Variants in RNF17 observed in about 807,000 individuals in gnomAD.
The protein encoded by RNF17 is ring finger protein 17, also known as spermatogenesis associated 23.
In RNF17, 31 loss-of-function variants were observed where a neutral mutation model predicts 200.5. The ratio of observed to expected loss-of-function variants is 0.15; its 90% CI spans 0.12 to 0.21. The LOEUF (loss-of-function observed/expected upper bound fraction) is 0.21, where lower values mean the gene tolerates loss of function less well. Among genes scored for constraint, RNF17 ranks in the 10% least tolerant of loss-of-function variants. The pLI is 1.00. For synonymous variants in RNF17, 606 were observed against 637.8 expected, an observed-to-expected ratio of 0.95 and a Z score of 0.75; for missense variants, 1,628 against 1,905.1, an observed-to-expected ratio of 0.85 and a Z score of 2.71.
At chr13:24,838,058 A>G (rs1890200860) in intron 18 of RNF17, among the ~76,000 whole-genome samples, 1 of 152,198 alleles carries the variant, frequency 6.6e-6, no homozygotes, top group South Asian at 2.1e-4. Context: ...GGCTGCTATG[A>G]ACACTTCTAT....
the RNF17 span, among the ~76,000 whole-genome samples, chr13:24,887,834 G>T: frequency 2.0e-5 from 3 of 152,170 alleles, no homozygotes; most frequent in Non-Finnish European, 4.4e-5. Flanking sequence ...GTGAGCACAT[G>T]CTGTTGGAAA....
chr13:24,872,806 G>A (rs539111088), intron 32 of RNF17, among the ~76,000 whole-genome samples: 63 of 139,186 alleles, frequency 4.5e-4, no homozygotes, highest in Non-Finnish European at 9.2e-4. Flanking sequence ...CCTAAAAACT[G>A]TCAGAATGTG....
At chr13:24,752,047 G>A in the RNF17 span, 13 of 152,370 alleles carry the variant, frequency 8.5e-5, no homozygotes, top group African/African-American at 3.1e-4. Context: ...GCAAGTAAAA[G>A]TGGTGTGTTT....
intron 16 of RNF17, among the ~76,000 whole-genome samples, chr13:24,827,617 G>A (rs1888831042): frequency 6.9e-6 from 1 of 144,548 alleles, no homozygotes; most frequent in Non-Finnish European, 1.5e-5. Context: ...CAGGAGAATG[G>A]CGTGAACCCG....
chr13:24,826,837 G>A (rs1462968341), intron 16 of RNF17, among the ~76,000 whole-genome samples: 1 of 151,812 alleles, frequency 6.6e-6, no homozygotes, highest in Non-Finnish European at 1.5e-5. Flanking sequence ...AAGGCAGGCA[G>A]ATCACCTGAG....
chr13:24,883,567 TAATC>T (rs1953927803), downstream of RNF17, among the ~76,000 whole-genome samples: 2 of 152,220 alleles, frequency 1.3e-5, no homozygotes, highest in Admixed American at 1.3e-4. Flanking sequence ...AGCATTGTTT[TAATC>T]ATTCATATTT....
chr13:24,821,698 T>C (rs1004723245), intron 15 of RNF17, among the ~76,000 whole-genome samples: 1 of 152,224 alleles, frequency 6.6e-6, no homozygotes, highest in African/African-American at 2.4e-5. Flanking sequence ...TTATAATTTG[T>C]ATCACTTGCT....
intron 6 of RNF17, among the ~76,000 whole-genome samples, chr13:24,783,131 A>C (rs1566127899): frequency 6.6e-6 from 1 of 152,308 alleles, no homozygotes; most frequent in East Asian, 1.9e-4. Context: ...TTTTCCCAGC[A>C]CTATTTGTTG....
intron 17 of RNF17, 65 bp downstream of exon 17, chr13:24,830,664 G>A: frequency 2.7e-6 from 3 of 1,108,750 alleles, no homozygotes; most frequent in Non-Finnish European, 4.1e-6. Context: ...ATTTTTAGAA[G>A]CTATTGTCAT....
At chr13:24,800,561 C>T (rs769446121) in intron 13 of RNF17, 27 bp downstream of exon 13, 1 of 1,597,850 alleles carries the variant, frequency 6.3e-7, no homozygotes, top group East Asian at 2.2e-5. Flanking sequence ...TTATTTTTTC[C>T]TTCAGAGGTT....
At chr13:24,754,767 G>A in the RNF17 span, among the ~76,000 whole-genome samples, 1,229 of 152,072 alleles carry the variant, frequency 8.1e-3, 16 homozygotes, top group African/African-American at 0.028. Flanking sequence ...GTAGTGGCCT[G>A]TGCCTATAGC....
chr13:24,816,875 A>C (rs1887471689), intron 15 of RNF17, among the ~76,000 whole-genome samples: 1 of 152,220 alleles, frequency 6.6e-6, no homozygotes, highest in Non-Finnish European at 1.5e-5. Flanking sequence ...AAGATAAAGA[A>C]GTATCCTCTT....
rs928259605 is a variant in RNF17, at chr13:24,778,151, A to G, written c.318-144A>G. 7.0e-6 allele frequency: 4 copies of G among 570,348 alleles called. No homozygotes were observed. In the East Asian group the frequency reaches 9.2e-5, roughly 13 times the overall value. The allele number at this position is 570,348 out of a possible 1,614,324, so 35.3% of individuals were successfully genotyped here. The stretch of plus-strand genomic sequence containing the variant: ...GTGGCACATGCCTATGGTCCCAGCT[A>G]CTTGGGAGACTGAGGTGGGATGATC... On this transcript the variant is annotated intron_variant, in intron 3 of 35. Coordinates refer to ENST00000255324, the MANE Select transcript of RNF17 (RefSeq NM_031277.3).
chr13:24,879,434 C>T (rs1895213001), intron 35 of RNF17, 139 bp downstream of exon 35: 1 of 620,602 alleles, frequency 1.6e-6, no homozygotes, highest in African/African-American at 1.8e-5. Flanking sequence ...CTTCATAGGC[C>T]CTTCTCACCT....
At chr13:24,764,424 G>A (rs1879250906) in intron 1 of RNF17, 91 bp downstream of exon 1, 2 of 1,444,846 alleles carry the variant, frequency 1.4e-6, no homozygotes, top group Non-Finnish European at 1.8e-6. Flanking sequence ...GGCTTGGTCA[G>A]CTGCATCCAA....
Position 24,864,902 on chromosome 13 carries a change from G to A in RNF17, c.4005G>A (p.Leu1335=). 6.4e-7 allele frequency: 1 copy of A among 1,561,024 alleles called. No homozygotes were observed. Among genetic ancestry groups the A allele is most frequent in the Non-Finnish European group, 8.8e-7 (1 of 1,142,682 alleles). ...MELPKNPWEK[L]SIHLYFDGMS... is the part of the protein sequence containing the mutation. ...TACCTAAAAATCCATGGGAGAAATT[G>A]TCTATTCACCTCTATTTTGATGGAA... The change falls in exon 29 of 36, where the codon TTG becomes TTA. Residue 1335 remains leucine (L), a synonymous_variant. Coordinates refer to ENST00000255324, the MANE Select transcript of RNF17 (RefSeq NM_031277.3).
chr13:24,885,141 C>T, the RNF17 span: 2,495 of 668,506 alleles, frequency 3.7e-3, 48 homozygotes, highest in African/African-American at 0.035. Context: ...CCGCCTTTTG[C>T]TGAATCTCTG....
intron 15 of RNF17, among the ~76,000 whole-genome samples, chr13:24,815,431 GTGTGTGTGTGTGT>G (rs1887270337): frequency 1.1e-3 from 13 of 11,526 alleles, no homozygotes; most frequent in South Asian, 0.014. Context: ...CTAACGGGGT[GTGTGTGTGTGTGT>G]GTGTGTGTGT....
chr13:24,857,566 TGTAA>T (rs1892651533), intron 25 of RNF17, among the ~76,000 whole-genome samples: 1 of 152,308 alleles, frequency 6.6e-6, no homozygotes, highest in Non-Finnish European at 1.5e-5. Context: ...TTTCCAAGTT[TGTAA>T]GACCTGTCAC....
Sources: gnomAD v4.1 joint callset for allele counts (sites outside exome capture counted in the v4.1 genomes callset) on GRCh38, gnomAD v4.1.1 for gene constraint, MANE v1.5 for transcripts, NCBI Gene and HGNC (gene_info 2026-07-23, HGNC 2026-07-21) for gene names.